The following DIP2C variants were observed in gnomAD, a reference collection of about 807,000 sequenced individuals.
DIP2C encodes the protein disco-interacting protein 2 homolog C.
A neutral mutation model predicts 192.4 loss-of-function variants in DIP2C; 33 were observed. The observed-to-expected ratio is 0.17, with a 90% CI of 0.13 to 0.23. DIP2C has a LOEUF of 0.23. DIP2C is among the 10% of genes least tolerant of loss of function. The pLI, the probability that DIP2C is intolerant of heterozygous loss-of-function variation, is 1.00. For synonymous variants in DIP2C, 979 were observed against 864.1 expected, an observed-to-expected ratio of 1.13 and a Z score of -2.33; for missense variants, 1,537 against 2,110.1, an observed-to-expected ratio of 0.73 and a Z score of 5.32.
chr10:462,424 A>G (rs1589849064), intron 3 of DIP2C, among the ~76,000 whole-genome samples: 1 of 152,262 alleles, frequency 6.6e-6, no homozygotes, highest in East Asian at 1.9e-4. Context: ...GAAAATCTAG[A>G]AGAAATGGAT....
chr10:362,408 G>T, intron 22 of DIP2C, 82 bp downstream of exon 22: 1 of 1,483,010 alleles, frequency 6.7e-7, no homozygotes, highest in Non-Finnish European at 9.1e-7. Flanking sequence ...AAGCAGCCCT[G>T]GGTGAACTCC....
At chr10:340,924 C>A (rs1564581941) in intron 29 of DIP2C, 1 of 530,834 alleles carries the variant, frequency 1.9e-6, no homozygotes, top group Middle Eastern at 2.9e-4. Flanking sequence ...AAGCCTGGAG[C>A]CTGGGAGTCT....
intron 6 of DIP2C, among the ~76,000 whole-genome samples, chr10:416,597 C>T (rs561669634): frequency 1.4e-4 from 22 of 152,138 alleles, no homozygotes; most frequent in Non-Finnish European, 2.4e-4. Flanking sequence ...CCAAGTGGAC[C>T]GAGAAAAGCC....
intron 1 of DIP2C, among the ~76,000 whole-genome samples, chr10:529,618 C>T (rs903243998): frequency 5.3e-5 from 8 of 152,166 alleles, no homozygotes; most frequent in African/African-American, 1.9e-4. Context: ...CATCCACAAA[C>T]GATCAGGGTG....
intron 1 of DIP2C, among the ~76,000 whole-genome samples, chr10:511,594 C>G (rs959819353): frequency 6.6e-6 from 1 of 151,296 alleles, no homozygotes; most frequent in Non-Finnish European, 1.5e-5. Flanking sequence ...TGTGGCTTCC[C>G]TAGAGGAACG....
At chr10:430,818 T>C (rs1477111544) in intron 4 of DIP2C, among the ~76,000 whole-genome samples, 1 of 152,236 alleles carries the variant, frequency 6.6e-6, no homozygotes, top group Non-Finnish European at 1.5e-5. Flanking sequence ...CTGTCATCTA[T>C]TTTGACAGGC....
At chr10:517,772 C>T (rs1305729955) in intron 1 of DIP2C, among the ~76,000 whole-genome samples, 2 of 152,128 alleles carry the variant, frequency 1.3e-5, no homozygotes, top group Non-Finnish European at 2.9e-5. Flanking sequence ...CTCAAGCCAC[C>T]CTCTCTGTGA....
intron 1 of DIP2C, among the ~76,000 whole-genome samples, chr10:679,034 G>C (rs76721983): frequency 1.6e-4 from 1 of 6,116 alleles, no homozygotes; most frequent in African/African-American, 2.5e-4. Flanking sequence ...TGTCCTCCCC[G>C]CGCCCATGCT....
chr10:328,743 AAC>A (rs1957375186), intron 30 of DIP2C, among the ~76,000 whole-genome samples: 2 of 151,670 alleles, frequency 1.3e-5, no homozygotes, highest in Non-Finnish European at 2.9e-5. Context: ...AGATGACAGA[AAC>A]ACAAACACAA....
rs545458261 is a variant in DIP2C at position 520,338 on chromosome 10, C to T, written c.86-33808G>A. 1.1e-4 allele frequency among the ~76,000 whole-genome samples: 16 copies of T among 152,226 alleles called. 1 individual carries two copies. In the South Asian group the frequency reaches 2.5e-3, roughly 24 times the overall value. On this transcript the variant is annotated intron_variant, in intron 1 of 36. Transcript: ENST00000280886. ...ACAGCAACTGAAATACAGCACTTTC[C>T]GAAGACGTGTGCGTTACCTGCAGAA...
intron 1 of DIP2C, among the ~76,000 whole-genome samples, chr10:620,481 G>C (rs938019831): frequency 6.6e-6 from 1 of 152,172 alleles, no homozygotes; most frequent in African/African-American, 2.4e-5. Context: ...AGATACGGAG[G>C]GAGAAGCCCT....
At chr10:427,772 A>G (rs760976300) in intron 4 of DIP2C, among the ~76,000 whole-genome samples, 9 of 152,224 alleles carry the variant, frequency 5.9e-5, no homozygotes, top group South Asian at 4.1e-4. Flanking sequence ...ACTGCTTCTC[A>G]TGATGTGGAG....
chr10:383,303 T>C (rs1962546082), intron 16 of DIP2C, among the ~76,000 whole-genome samples: 1 of 152,256 alleles, frequency 6.6e-6, no homozygotes, highest in Non-Finnish European at 1.5e-5. Flanking sequence ...TCTGCTTTTG[T>C]ATATCAGGCA....
chr10:592,392 A>G (rs1426049670), intron 1 of DIP2C, among the ~76,000 whole-genome samples: 2 of 152,242 alleles, frequency 1.3e-5, no homozygotes, highest in Non-Finnish European at 2.9e-5. Context: ...GAATAGACAT[A>G]CATACCCTCC....
At chr10:585,383 A>G (rs1307652267) in intron 1 of DIP2C, among the ~76,000 whole-genome samples, 1 of 152,232 alleles carries the variant, frequency 6.6e-6, no homozygotes, top group Non-Finnish European at 1.5e-5. Flanking sequence ...CCAAACACAC[A>G]CAGCCCTGAG....
chr10:650,858 G>A (rs371962877), intron 1 of DIP2C: 13 of 717,120 alleles, frequency 1.8e-5, no homozygotes, highest in South Asian at 7.4e-5. Flanking sequence ...TGAGAGGTCC[G>A]TGGCATAACA....
chr10:647,319 A>T (rs1182265194), intron 1 of DIP2C, among the ~76,000 whole-genome samples: 5 of 150,356 alleles, frequency 3.3e-5, no homozygotes, highest in Admixed American at 3.3e-4. Context: ...GGACGGCGGG[A>T]GAGAACAGAG....
At chr10:394,179 C>T (rs1207757632) in intron 10 of DIP2C, among the ~76,000 whole-genome samples, 2 of 152,208 alleles carry the variant, frequency 1.3e-5, no homozygotes, top group African/African-American at 2.4e-5. Flanking sequence ...CAAAGACCCA[C>T]GAATGGATGC....
intron 32 of DIP2C, among the ~76,000 whole-genome samples, chr10:307,035 TA>T (rs1956356369): frequency 6.6e-6 from 1 of 152,106 alleles, no homozygotes; most frequent in African/African-American, 2.4e-5. Flanking sequence ...AGCCGGTGGC[TA>T]AAAACAGTCT....
Sources: gnomAD v4.1 joint callset for allele counts (sites outside exome capture counted in the v4.1 genomes callset) on GRCh38, gnomAD v4.1.1 for gene constraint, MANE v1.5 for transcripts, NCBI Gene and HGNC (gene_info 2026-07-23, HGNC 2026-07-21) for gene names.